Variants in ZFHX3 observed in about 807,000 individuals in gnomAD.
The protein encoded by ZFHX3 is zinc finger homeobox 3.
ZFHX3 carries 42 observed loss-of-function variants against 279.1 expected under a neutral mutation model. That is an observed-to-expected ratio of 0.15 (90% CI 0.12 to 0.19). ZFHX3 has a LOEUF of 0.19. ZFHX3 is among the 10% of genes least tolerant of loss of function. ZFHX3 has a pLI of 1.00. For synonymous variants in ZFHX3, 2,293 were observed against 1,957.8 expected (o/e 1.17, Z -4.52); for missense variants, 4,981 against 4,754.0 (o/e 1.05, Z -1.40).
At chr16:73,720,798 C>A (rs1246828704) in intron 1 of ZFHX3, among the ~76,000 whole-genome samples, 1 of 152,168 alleles carries the variant, frequency 6.6e-6, no homozygotes, top group Non-Finnish European at 1.5e-5. Flanking sequence ...ATTATTAATA[C>A]TGCAAAAAGC....
At chr16:73,246,617 A>T (rs534030436) in intron 5 of ZFHX3, among the ~76,000 whole-genome samples, 1 of 152,224 alleles carries the variant, frequency 6.6e-6, no homozygotes, top group South Asian at 2.1e-4. Flanking sequence ...CTGTTCATCT[A>T]TATGTATTTA....
Position 73,045,767 on chromosome 16 carries a change from C to A in ZFHX3, c.-50+1985G>T, listed in dbSNP as rs1488991353. The stretch of plus-strand genomic sequence containing the variant: ...GAAATGGAAAACAGTAGCTCTATTT[C>A]ATAGAAAGTACAGCCATTTCAAAAA... On this transcript the variant is annotated intron_variant, in intron 1 of 9. Transcript: ENST00000268489. 3.5e-5 allele frequency among the ~76,000 whole-genome samples: 4 copies of A among 115,560 alleles called. No individual in the cohort carries two copies. In the East Asian group the frequency reaches 8.2e-4, roughly 24 times the overall value. The allele number at this position is 115,560 out of a possible 152,430, so 75.8% of individuals were successfully genotyped here.
chr16:72,905,236 G>T (rs1468534857), intron 3 of ZFHX3, among the ~76,000 whole-genome samples: 1 of 152,148 alleles, frequency 6.6e-6, no homozygotes, highest in Non-Finnish European at 1.5e-5. Flanking sequence ...GAATAAAAAT[G>T]TTTGCTAATA....
At chr16:73,114,072 C>T (rs9930607) in intron 7 of ZFHX3, among the ~76,000 whole-genome samples, 2 of 151,370 alleles carry the variant, frequency 1.3e-5, no homozygotes, top group Admixed American at 6.6e-5. Flanking sequence ...CTGGGATTAC[C>T]GACGTGAGCT....
intron 3 of ZFHX3, among the ~76,000 whole-genome samples, chr16:72,946,173 A>G (rs1960663281): frequency 6.6e-6 from 1 of 152,218 alleles, no homozygotes; most frequent in South Asian, 2.1e-4. Flanking sequence ...AGGAGCAGAC[A>G]TCCTCTATGT....
At chr16:73,418,003 A>AAT (rs2017628252) in intron 3 of ZFHX3, among the ~76,000 whole-genome samples, 1 of 150,208 alleles carries the variant, frequency 6.7e-6, no homozygotes, top group South Asian at 2.1e-4. Flanking sequence ...AAAAAAAAAA[A>AAT]AAAAAAAAAG....
chr16:73,421,710 G>T (rs1483895850), intron 3 of ZFHX3, among the ~76,000 whole-genome samples: 2 of 152,088 alleles, frequency 1.3e-5, no homozygotes, highest in Non-Finnish European at 2.9e-5. Context: ...TGCACTTGTG[G>T]CAGAACCTAG....
chr16:73,777,716 TC>T (rs1190957763), intron 1 of ZFHX3, among the ~76,000 whole-genome samples: 8 of 152,140 alleles, frequency 5.3e-5, no homozygotes, highest in Non-Finnish European at 1.2e-4. Context: ...GCACTTAACA[TC>T]CAGTACCTCA....
At chr16:72,897,371 T>C (rs964489498) in intron 3 of ZFHX3, among the ~76,000 whole-genome samples, 3 of 152,166 alleles carry the variant, frequency 2.0e-5, no homozygotes, top group African/African-American at 7.2e-5. Flanking sequence ...TAGGAAGACA[T>C]AGCGGGTGTT....
chr16:73,300,078 A>G (rs918465809), intron 4 of ZFHX3, among the ~76,000 whole-genome samples: 3 of 152,116 alleles, frequency 2.0e-5, no homozygotes, highest in Non-Finnish European at 4.4e-5. Context: ...TCCAAGGGCT[A>G]CTTGGCAAGA....
chr16:72,800,983 G>T (rs757289246), intron 7 of ZFHX3, among the ~76,000 whole-genome samples: 1 of 152,222 alleles, frequency 6.6e-6, no homozygotes, highest in Non-Finnish European at 1.5e-5. Flanking sequence ...CCTCCCTGCC[G>T]TACGGCCAGA....
intron 9 of ZFHX3, among the ~76,000 whole-genome samples, chr16:72,791,807 C>G (rs1289215563): frequency 6.6e-6 from 1 of 152,154 alleles, no homozygotes; most frequent in Non-Finnish European, 1.5e-5. Context: ...TGTCTTAATG[C>G]TTTCTTTTCT....
intron 5 of ZFHX3, among the ~76,000 whole-genome samples, chr16:73,153,500 C>T (rs1374783253): frequency 6.6e-6 from 1 of 152,152 alleles, no homozygotes; most frequent in Non-Finnish European, 1.5e-5. Context: ...ACATTAACTC[C>T]AGGTTCTGTC....
rs904535260 is a variant in ZFHX3 at position 72,957,307 on chromosome 16, C to T, written c.2719+120G>A. ...CTTGATTGTAAGACACTCCAGTTTACACAAAAACCACTCGAGAAGACCAGA... is the reference window on the plus strand; with the variant it reads ...CTTGATTGTAAGACACTCCAGTTTATACAAAAACCACTCGAGAAGACCAGA... On this transcript the variant is annotated intron_variant, in intron 2 of 9. Transcript: ENST00000268489. 5 of 1,251,132 alleles carry T rather than the reference C, an allele frequency of 4.0e-6. No homozygotes were observed. In the African/African-American group the frequency reaches 7.5e-5, roughly 19 times the overall value. The allele number at this position is 1,251,132 out of a possible 1,614,324, so 77.5% of individuals were successfully genotyped here. A position where few individuals can be genotyped will look rare whatever the true frequency, so the allele number is the denominator to read the frequency against.
intron 8 of ZFHX3, chr16:73,083,500 G>C (rs1388635221): frequency 6.6e-6 from 1 of 152,264 alleles, no homozygotes; most frequent in East Asian, 1.9e-4. Context: ...TCATGGTCAA[G>C]TGACTTTCTT....
intron 2 of ZFHX3, among the ~76,000 whole-genome samples, chr16:73,526,725 A>C (rs1471656047): frequency 1.3e-5 from 2 of 152,176 alleles, no homozygotes; most frequent in Non-Finnish European, 2.9e-5. Context: ...TGACACTTCC[A>C]GTGTTTTAAG....
intron 1 of ZFHX3, among the ~76,000 whole-genome samples, chr16:73,704,430 T>A (rs193149630): frequency 1.3e-5 from 2 of 152,162 alleles, no homozygotes; most frequent in African/African-American, 2.4e-5. Context: ...AGGTTGGACA[T>A]TTTAAATCGT....
intron 3 of ZFHX3, among the ~76,000 whole-genome samples, chr16:73,395,125 G>A (rs953849808): frequency 6.6e-6 from 1 of 152,130 alleles, no homozygotes; most frequent in Admixed American, 6.5e-5. Context: ...GGAGATGTCA[G>A]GGATAATGCC....
chr16:73,461,110 A>G (rs1043778469), intron 2 of ZFHX3, among the ~76,000 whole-genome samples: 1 of 152,258 alleles, frequency 6.6e-6, no homozygotes, highest in Non-Finnish European at 1.5e-5. Context: ...TAGGTTTGTC[A>G]TGATATCTCA....
Sources: gnomAD v4.1 joint callset for allele counts (sites outside exome capture counted in the v4.1 genomes callset) on GRCh38, gnomAD v4.1.1 for gene constraint, MANE v1.5 for transcripts, NCBI Gene and HGNC (gene_info 2026-07-23, HGNC 2026-07-21) for gene names.